Variants in PPFIBP1 observed in about 807,000 individuals in gnomAD.
PPFIBP1 encodes PPFIB scaffold protein 1.
In PPFIBP1, 112 loss-of-function variants were observed where a neutral mutation model predicts 137.8. The ratio of observed to expected loss-of-function variants is 0.81; its 90% confidence interval spans 0.70 to 0.95. The LOEUF is 0.95. PPFIBP1 is among the 40% of genes least tolerant of loss of function. PPFIBP1 has a pLI of 0.00. For synonymous variants in PPFIBP1, 378 were observed against 417.3 expected, an observed-to-expected ratio of 0.91 and a Z score of 1.15; for missense variants, 1,083 against 1,196.6, an observed-to-expected ratio of 0.91 and a Z score of 1.40.
At chr12:27,553,188 T>G (rs2136231245) in intron 1 of PPFIBP1, among the ~76,000 whole-genome samples, 1 of 151,776 alleles carries the variant, frequency 6.6e-6, no homozygotes, top group Non-Finnish European at 1.5e-5. Context: ...GGATAGAGGG[T>G]GACTGAAAAT....
chr12:27,594,270 T>G lies in PPFIBP1; in HGVS notation c.-36+16031T>G, dbSNP rs186116890. On this transcript the variant is annotated intron_variant, in intron 2 of 29. Coordinates refer to ENST00000228425, the MANE Select transcript of PPFIBP1 (RefSeq NM_003622.4). ...TCGGCTCACTGCAACCTCCACCTCC[T>G]GGGTTCAAGTGATTCTTCTGCCTCA... Among the ~76,000 whole-genome samples the G allele has an allele frequency of 3.4e-3, 477 of 141,848 alleles. 4 individuals are homozygous for G. The highest frequency in any genetic ancestry group is 0.012 in the African/African-American group (448 of 37,920). The allele number at this position is 141,848 out of a possible 152,430, so 93.1% of individuals were successfully genotyped here. A position where few individuals can be genotyped will look rare whatever the true frequency, so the allele number is the denominator to read the frequency against.
At position 27,618,948 on chromosome 12, in the gene PPFIBP1, C is replaced by A. The variant is rs1005810485; in HGVS notation, c.-35-14414C>A. Among the ~76,000 whole-genome samples, 17 of 152,268 alleles carry A rather than the reference C, an allele frequency of 1.1e-4. 1 individual carries two copies. The South Asian group carries it at 3.5e-3, about 32-fold the overall frequency. On this transcript the variant is annotated intron_variant, in intron 2 of 29. Transcript: ENST00000228425. Reference sequence around the variant, plus strand: ...AGTGAGGCTGCTTGCCAGAGATACACTTTTTCCTTAGCCAAGTATAACATC... The same window carrying A: ...AGTGAGGCTGCTTGCCAGAGATACAATTTTTCCTTAGCCAAGTATAACATC...
At position 27,619,228 on chromosome 12, in the gene PPFIBP1, G is replaced by A. The variant is rs12304570; in HGVS notation, c.-35-14134G>A. ...CAAGTCCCTGATATAAAATGGCATC[G>A]AATTTGCCTATAACGTAAGAATATC... On this transcript the variant is annotated intron_variant, in intron 2 of 29. Transcript: ENST00000228425. Among the ~76,000 whole-genome samples, 1,005 of 152,044 alleles carry A rather than the reference G, an allele frequency of 6.6e-3. 12 individuals are homozygous for A. Among genetic ancestry groups the A allele is most frequent in the African/African-American group, 0.023 (942 of 41,458 alleles).
chr12:27,536,157 G>A (rs565903546), intron 1 of PPFIBP1, among the ~76,000 whole-genome samples: 1 of 152,266 alleles, frequency 6.6e-6, no homozygotes, highest in Non-Finnish European at 1.5e-5. Flanking sequence ...CCTTGCACTC[G>A]CTTGAAGTCT....
intron 2 of PPFIBP1, among the ~76,000 whole-genome samples, chr12:27,620,439 C>T (rs572116729): frequency 6.6e-6 from 1 of 152,328 alleles, no homozygotes; most frequent in African/African-American, 2.4e-5. Context: ...TTGTTTCTCC[C>T]TGGAAGCTCT....
intron 2 of PPFIBP1, among the ~76,000 whole-genome samples, chr12:27,595,868 C>CAACAA (rs1270310187): frequency 2.3e-5 from 2 of 86,256 alleles, no homozygotes; most frequent in African/African-American, 1.2e-4. Context: ...ACAACAACAA[C>CAACAA]AACAACAACA....
chr12:27,694,039 G>A lies in PPFIBP1; in HGVS notation c.*1157G>A, dbSNP rs151006610. 1,533 of 152,096 alleles carry A rather than the reference G, an allele frequency of 0.01. 12 individuals are homozygous for A. The highest frequency in any genetic ancestry group is 0.04 in the Middle Eastern group (12 of 298). 9.4% of individuals were successfully genotyped at this position (152,096 alleles called of 1,614,324 possible). ...GAGTCTCATTCTGTTGCCCATGCTG[G>A]AGTGCAGTGGCGTGATCATAGCTCA... On this transcript the variant is annotated 3_prime_UTR_variant, in exon 30 of 30. Coordinates refer to ENST00000228425, the MANE Select transcript of PPFIBP1 (RefSeq NM_003622.4).
chr12:27,611,293 T>G (rs1308891999), intron 2 of PPFIBP1, among the ~76,000 whole-genome samples: 3 of 152,318 alleles, frequency 2.0e-5, no homozygotes, highest in Admixed American at 6.5e-5. Flanking sequence ...GGTTGGGTCC[T>G]TCTGAGGGCC....
intron 2 of PPFIBP1, among the ~76,000 whole-genome samples, chr12:27,593,129 CA>C (rs33939858): frequency 0.11 from 11,537 of 100,620 alleles, 526 homozygotes; most frequent in East Asian, 0.38. Flanking sequence ...AAGAATGTCT[CA>C]AAAAAAAAAA....
chr12:27,653,712 G>GGA (rs2059025728), intron 7 of PPFIBP1, among the ~76,000 whole-genome samples: 1 of 151,900 alleles, frequency 6.6e-6, no homozygotes, highest in Non-Finnish European at 1.5e-5. Flanking sequence ...TGTCTCTTTT[G>GGA]GAGGAGTTAA....
At chr12:27,673,536 T>C (rs569561829) in intron 15 of PPFIBP1, among the ~76,000 whole-genome samples, 1 of 152,330 alleles carries the variant, frequency 6.6e-6, no homozygotes, top group East Asian at 1.9e-4. Context: ...CCAGCTCTTC[T>C]AACATGTGCA....
chr12:27,526,112 G>A (rs1055340368), intron 1 of PPFIBP1, among the ~76,000 whole-genome samples: 4 of 152,178 alleles, frequency 2.6e-5, no homozygotes, highest in African/African-American at 9.7e-5. Flanking sequence ...TAGAGCTGTG[G>A]AGTGGAGTTC....
At chr12:27,547,093 A>G (rs186849706) in intron 1 of PPFIBP1, 6 of 152,372 alleles carry the variant, frequency 3.9e-5, no homozygotes, top group Admixed American at 2.6e-4. Flanking sequence ...CTTGCCGGGT[A>G]GCTTTAGAAT....
chr12:27,604,622 G>A (rs2054323154), intron 2 of PPFIBP1, among the ~76,000 whole-genome samples: 1 of 152,184 alleles, frequency 6.6e-6, no homozygotes, highest in Non-Finnish European at 1.5e-5. Flanking sequence ...GCTATGGGAG[G>A]CTCCCTGCCT....
At chr12:27,692,713 C>T in intron 29 of PPFIBP1, 57 bp downstream of exon 29, 1 of 1,613,810 alleles carries the variant, frequency 6.2e-7, no homozygotes, top group South Asian at 1.1e-5. Context: ...TATAACAACC[C>T]CAAAGGACCA....
intron 4 of PPFIBP1, chr12:27,635,817 C>T (rs1049510362): frequency 2.6e-5 from 4 of 152,176 alleles, no homozygotes; most frequent in African/African-American, 9.7e-5. Flanking sequence ...GAAGATGTGG[C>T]AGAGCTACCC....
rs1225998125 is a variant in PPFIBP1 at position 27,689,023 on chromosome 12, G to A, written c.2505G>A (p.Glu835=). 9 of 1,611,544 alleles carry A rather than the reference G, an allele frequency of 5.6e-6. 1 individual carries two copies. Among genetic ancestry groups the A allele is most frequent in the South Asian group, 4.4e-5 (4 of 90,620 alleles). Residue 835 remains glutamate (E), a synonymous_variant, in exon 27 of 30, where the codon GAG becomes GAA. Transcript: ENST00000228425. ...TTTTTTTCTTTAAACAGGTTCTAGA[G>A]CCTCGTTTTAACGTAGAAACAATGG... The part of the protein sequence containing the change: ...SGVHGGLMVL[E]PRFNVETMAQ...
At chr12:27,554,775 G>A (rs1947110961) in intron 1 of PPFIBP1, among the ~76,000 whole-genome samples, 1 of 152,014 alleles carries the variant, frequency 6.6e-6, no homozygotes, top group Non-Finnish European at 1.5e-5. Context: ...CTGGAGTCTT[G>A]TGCTTGACTC....
At chr12:27,529,555 G>A (rs572244312) in intron 1 of PPFIBP1, among the ~76,000 whole-genome samples, 1 of 152,322 alleles carries the variant, frequency 6.6e-6, no homozygotes, top group East Asian at 1.9e-4. Context: ...TTGGCCGAAT[G>A]TGGTGGCGCA....
Sources: gnomAD v4.1 joint callset for allele counts (sites outside exome capture counted in the v4.1 genomes callset) on GRCh38, gnomAD v4.1.1 for gene constraint, MANE v1.5 for transcripts, NCBI Gene and HGNC (gene_info 2026-07-23, HGNC 2026-07-21) for gene names.